Variants in STIL observed in about 807,000 individuals in gnomAD.
The protein encoded by STIL is SCL-interrupting locus protein.
Under a neutral mutation model 110.1 loss-of-function variants are expected in STIL, and 55 were observed. The observed-to-expected ratio is 0.50, with a 90% CI of 0.40 to 0.63. STIL has a LOEUF of 0.63. Ranked by LOEUF, STIL falls within the 20% of genes least tolerant of loss-of-function variation. The pLI, the probability that STIL is intolerant of heterozygous loss-of-function variation, is 0.00. For synonymous variants in STIL, 481 were observed against 530.0 expected (o/e 0.91, Z 1.27); for missense variants, 1,358 against 1,530.0 (o/e 0.89, Z 1.87).
intron 2 of STIL, among the ~76,000 whole-genome samples, chr1:47,309,215 T>A (rs375961127): frequency 2.6e-5 from 4 of 152,054 alleles, no homozygotes; most frequent in African/African-American, 9.7e-5. Flanking sequence ...ACATACACCA[T>A]GTACCCACAA....
chr1:47,252,007 C>T, intron 16 of STIL, 85 bp from the exon 17 acceptor site: 1 of 1,386,608 alleles, frequency 7.2e-7, no homozygotes, highest in South Asian at 1.4e-5. Context: ...ATACAAGCAA[C>T]AAAAGATCTT....
In STIL at chr1:47,261,968, A is replaced by T. The variant is rs115001688; in HGVS notation, c.2829+935T>A. The stretch of plus-strand genomic sequence containing the variant: ...AAGTATTTTCGAGGACTTATGCTAA[A>T]TTTTTTATAAACAAGTTTTAAATAA... On this transcript the variant is annotated intron_variant, in intron 15 of 16. Transcript: ENST00000371877. 1.9e-3 allele frequency among the ~76,000 whole-genome samples: 289 copies of T among 152,256 alleles called. 1 individual carries two copies. The highest frequency in any genetic ancestry group is 5.9e-3 in the African/African-American group (246 of 41,546).
Position 47,260,487 on chromosome 1 carries a change from G to T in STIL, c.2882C>A (p.Ser961Tyr). The change falls in exon 16 of 17, where the codon TCT (serine) becomes TAT (tyrosine). Residue 961 changes from serine to tyrosine, a missense_variant. Ser to Tyr is a moderately radical substitution (Grantham distance 144, BLOSUM62 -2). Transcript: ENST00000371877. Reference sequence around the variant, plus strand: ...ATGACTGATAATTACTGCTTTGGTAGACGGCTGCTCAGTTTCCTTGGAGGA... The same window carrying T: ...ATGACTGATAATTACTGCTTTGGTATACGGCTGCTCAGTTTCCTTGGAGGA... ...NSSSKETEQP[S>Y]TKAVIISHEC... 1.9e-6 allele frequency: 3 copies of T among 1,614,170 alleles called. No homozygotes were observed. Among genetic ancestry groups the T allele is most frequent in the Non-Finnish European group, 2.5e-6 (3 of 1,180,034 alleles).
chr1:47,301,629 G>A lies in STIL; in HGVS notation c.385C>T (p.His129Tyr). ...TCTCTTGAACAAAGTTCTTGAGTAT[G>A]AACTTTGCATGGAATCAAAAAGTCC... is the stretch of plus-strand genomic sequence containing the variant. ...PGDFLIPCKV[H>Y]TQELCSREMI... Residue 129 changes from histidine (H) to tyrosine (Y), a missense_variant, in exon 5 of 17, where the codon CAT becomes TAT. Physicochemically the swap from His to Tyr is moderately conservative, Grantham distance 83. Coordinates refer to ENST00000371877, the MANE Select transcript of STIL (RefSeq NM_001048166.1). 3.1e-6 allele frequency: 5 copies of A among 1,613,970 alleles called. No individual in the cohort carries two copies. Among genetic ancestry groups the A allele is most frequent in the Non-Finnish European group, 4.2e-6 (5 of 1,179,996 alleles).
chr1:47,302,518 A>G (rs1339655316), intron 3 of STIL, among the ~76,000 whole-genome samples, 172 bp from the exon 4 acceptor site: 2 of 152,236 alleles, frequency 1.3e-5, no homozygotes, highest in African/African-American at 4.8e-5. Flanking sequence ...CTTGGAAACT[A>G]GAATGGCAAT....
At chr1:47,258,566 T>TAAAACA (rs2148697941) in intron 16 of STIL, among the ~76,000 whole-genome samples, 1 of 152,186 alleles carries the variant, frequency 6.6e-6, no homozygotes, top group Non-Finnish European at 1.5e-5. Context: ...ATATCATGTT[T>TAAAACA]AAAACAAAAA....
chr1:47,271,818 A>C (rs897746220), intron 13 of STIL, among the ~76,000 whole-genome samples: 11 of 151,910 alleles, frequency 7.2e-5, no homozygotes, highest in Non-Finnish European at 1.2e-4. Context: ...CAAAAAAAAA[A>C]ACAAAAAACA....
intron 2 of STIL, among the ~76,000 whole-genome samples, chr1:47,307,337 C>T (rs983584860): frequency 6.6e-6 from 1 of 152,084 alleles, no homozygotes; most frequent in Non-Finnish European, 1.5e-5. Context: ...TCAGGGACCC[C>T]AAATGGAGGG....
chr1:47,253,367 C>T (rs1644241113), intron 16 of STIL, among the ~76,000 whole-genome samples: 1 of 152,148 alleles, frequency 6.6e-6, no homozygotes, highest in African/African-American at 2.4e-5. Context: ...TATTTATTGT[C>T]TAGCACCCTC....
chr1:47,293,084 G>A (rs756015879), intron 8 of STIL, among the ~76,000 whole-genome samples: 6 of 152,192 alleles, frequency 3.9e-5, no homozygotes, highest in Middle Eastern at 3.2e-3. Context: ...TAGTAACACT[G>A]TGTAACTTAA....
chr1:47,298,766 CAG>C (rs1469822906), intron 6 of STIL, among the ~76,000 whole-genome samples: 3 of 151,376 alleles, frequency 2.0e-5, no homozygotes. Context: ...TTTTTTGAGA[CAG>C]AGTCTCGCTC....
chr1:47,270,261 C>T (rs1479064250), intron 13 of STIL, among the ~76,000 whole-genome samples: 10 of 139,682 alleles, frequency 7.2e-5, no homozygotes, highest in South Asian at 2.3e-4. Flanking sequence ...TATATACACA[C>T]ACACACACAC....
intron 14 of STIL, among the ~76,000 whole-genome samples, chr1:47,264,629 G>C (rs958464494): frequency 6.6e-6 from 1 of 152,072 alleles, no homozygotes; most frequent in Non-Finnish European, 1.5e-5. Flanking sequence ...CAGAAACACT[G>C]GTCCAACAAG....
intron 11 of STIL, among the ~76,000 whole-genome samples, chr1:47,281,635 C>G (rs1645160742): frequency 6.6e-6 from 1 of 151,986 alleles, no homozygotes; most frequent in South Asian, 2.1e-4. Context: ...TAAAATCTTC[C>G]AATAAATGTT....
chr1:47,260,550 G>GA lies in STIL; in HGVS notation c.2830-12dup, dbSNP rs764767965. 5.6e-6 allele frequency: 9 copies of GA among 1,613,724 alleles called. No homozygotes were observed. The highest frequency in any genetic ancestry group is 2.7e-5 in the African/African-American group (2 of 74,994). On this transcript the variant is annotated splice_polypyrimidine_tract_variant and intron_variant, in intron 15 of 16. Coordinates refer to ENST00000371877, the MANE Select transcript of STIL (RefSeq NM_001048166.1). The stretch of plus-strand genomic sequence containing the variant: ...GTGGTTTACTTGACCCTGACAAAAA[G>GA]AAAAAAAATTTTTTTGAAAAATCAC...
Position 47,280,292 on chromosome 1 carries a change from T to C in STIL, c.2166A>G (p.Ala722=), listed in dbSNP as rs1462986611. The change falls in exon 12 of 17, where the codon GCA becomes GCG. Residue 722 remains alanine, a synonymous_variant. Transcript: ENST00000371877. ...DNGMMGLSPD[A]YRFLTEQDRQ... is the part of the protein sequence containing the mutation. The stretch of plus-strand genomic sequence containing the variant: ...TGTCTTGTTCTGTGAGGAACCGATA[T>C]GCATCTGGAGATAGTCCCATCATTC... 3.7e-6 allele frequency: 6 copies of C among 1,614,240 alleles called. No homozygotes were observed. Among genetic ancestry groups the C allele is most frequent in the South Asian group, 2.2e-5 (2 of 91,086 alleles).
At chr1:47,310,204 T>C in intron 2 of STIL, 72 bp downstream of exon 2, 1 of 1,461,394 alleles carries the variant, frequency 6.8e-7, no homozygotes, top group Non-Finnish European at 9.5e-7. Flanking sequence ...ATATTCTTTT[T>C]TCTCTTCCAA....
rs189776257 is a variant in STIL, at chr1:47,274,777, G to C, written c.2218-2536C>G. Among the ~76,000 whole-genome samples the C allele has an allele frequency of 7.3e-5, 11 of 150,340 alleles. No homozygotes were observed. In the East Asian group the frequency reaches 2.1e-3, roughly 29 times the overall value. ...GTGATTAAATCAAATGGTAACTAGT[G>C]GTGGGGGGCAGGCAGATATGTGGAG... is the stretch of plus-strand genomic sequence containing the variant. On this transcript the variant is annotated intron_variant, in intron 12 of 16. Transcript: ENST00000371877.
chr1:47,269,726 C>T lies in STIL; in HGVS notation c.2524G>A (p.Ala842Thr), dbSNP rs1233759092. 6.2e-7 allele frequency: 1 copy of T among 1,614,034 alleles called. No homozygotes were observed. The highest frequency in any genetic ancestry group is 2.2e-5 in the East Asian group (1 of 44,884). ...ATATCAACTGCTTTTAATGAAGATG[C>T]ACTACCTGGAAGACTTGTGACTTCA... Reference protein sequence around the residue: ...NNEVTSLPGSASSLKAVDIPS... With the variant: ...NNEVTSLPGSTSSLKAVDIPS... Residue 842 changes from alanine to threonine, a missense_variant, in exon 14 of 17, where the codon GCA (alanine) becomes ACA (threonine). Transcript: ENST00000371877.
Sources: allele counts gnomAD v4.1 joint callset (sites outside exome capture counted in the v4.1 genomes callset), GRCh38; gene constraint gnomAD v4.1.1; transcripts MANE v1.5; gene names NCBI Gene and HGNC (gene_info 2026-07-23, HGNC 2026-07-21).